The following PDE1A variants were observed in gnomAD, a reference collection of about 807,000 sequenced individuals.
PDE1A encodes phosphodiesterase 1A.
Under a neutral mutation model 61.7 loss-of-function variants are expected in PDE1A, and 35 were observed. The observed-to-expected ratio is 0.57, with a 90% CI of 0.43 to 0.75. The LOEUF is 0.75. Among genes scored for constraint, PDE1A ranks in the 30% least tolerant of loss-of-function variants. PDE1A has a pLI of 0.00. For synonymous variants in PDE1A, 232 were observed against 213.2 expected, an observed-to-expected ratio of 1.09 and a Z score of -0.77; for missense variants, 597 against 630.6, an observed-to-expected ratio of 0.95 and a Z score of 0.57.
the PDE1A span, among the ~76,000 whole-genome samples, chr2:182,587,754 G>A: frequency 6.6e-6 from 1 of 152,088 alleles, no homozygotes; most frequent in Non-Finnish European, 1.5e-5. Context: ...GGGAATTTCT[G>A]AGCCACAATA....
chr2:182,675,230 A>T, the PDE1A span, among the ~76,000 whole-genome samples: 4 of 152,158 alleles, frequency 2.6e-5, no homozygotes, highest in Admixed American at 2.0e-4. Context: ...TTCCTACATT[A>T]GTTTGCTAAT....
chr2:182,608,467 C>G, the PDE1A span, among the ~76,000 whole-genome samples: 1 of 152,182 alleles, frequency 6.6e-6, no homozygotes. Context: ...GAGGGAGAGG[C>G]GCAGGTGGGA....
intron 1 of PDE1A, among the ~76,000 whole-genome samples, chr2:182,320,170 C>A (rs1167609707): frequency 1.3e-5 from 2 of 151,958 alleles, no homozygotes; most frequent in African/African-American, 4.8e-5. Flanking sequence ...AGGTATTGAC[C>A]CTAATATTAG....
At chr2:182,550,242 T>C in the PDE1A span, among the ~76,000 whole-genome samples, 2 of 152,196 alleles carry the variant, frequency 1.3e-5, no homozygotes, top group East Asian at 3.8e-4. Context: ...AAAAATTCCT[T>C]GAACTCTAAA....
At chr2:182,565,100 C>T in the PDE1A span, among the ~76,000 whole-genome samples, 1 of 152,232 alleles carries the variant, frequency 6.6e-6, no homozygotes, top group Non-Finnish European at 1.5e-5. Context: ...TGGTGAGGAA[C>T]TGCATTCCTT....
chr2:182,201,518 G>T, exon 10 of PDE1A: 1 of 1,613,990 alleles, frequency 6.2e-7, no homozygotes, highest in Non-Finnish European at 8.5e-7. Flanking sequence ...GCTGATGTCT[G>T]CTGCGTGGAG....
At chr2:182,671,658 C>T in the PDE1A span, among the ~76,000 whole-genome samples, 314 of 136,494 alleles carry the variant, frequency 2.3e-3, 2 homozygotes, top group African/African-American at 8.2e-3. Context: ...CTCGCTCTGT[C>T]GCCCAGGCTG....
At chr2:182,157,663 A>G (rs1691168462) in intron 13 of PDE1A, among the ~76,000 whole-genome samples, 1 of 152,118 alleles carries the variant, frequency 6.6e-6, no homozygotes, top group African/African-American at 2.4e-5. Context: ...CCTAAATAAT[A>G]TTCACCATGT....
chr2:182,421,160 A>G (rs568760781), intron 1 of PDE1A, among the ~76,000 whole-genome samples: 1 of 152,322 alleles, frequency 6.6e-6, no homozygotes, highest in South Asian at 2.1e-4. Flanking sequence ...AATTTTCCAG[A>G]TGGCATAAAA....
intron 2 of PDE1A, among the ~76,000 whole-genome samples, chr2:182,254,248 C>T (rs2568682): frequency 0.73 from 110,394 of 151,960 alleles, 40,859 homozygotes; most frequent in African/African-American, 0.88. Flanking sequence ...CCAAAAAGTA[C>T]TGCAACTTTT....
chr2:182,223,852 T>A lies in PDE1A; in HGVS notation c.776+12A>T. 6.7e-7 allele frequency: 1 copy of A among 1,489,906 alleles called. No individual in the cohort carries two copies. The highest frequency in any genetic ancestry group is 1.4e-5 in the African/African-American group (1 of 70,140). The allele number at this position is 1,489,906 out of a possible 1,614,324, so 92.3% of individuals were successfully genotyped here. On this transcript the variant is annotated intron_variant, in intron 7 of 13. Coordinates refer to ENST00000351439, the Ensembl canonical transcript of PDE1A. Reference sequence around the variant, plus strand: ...TTTTAACTAATGAAAGTTAATACTTTTTCAGACTTACCTTGTCTGAATGTG... The same window carrying A: ...TTTTAACTAATGAAAGTTAATACTTATTCAGACTTACCTTGTCTGAATGTG...
chr2:182,511,677 G>C (rs1323704005), intron 2 of PDE1A, among the ~76,000 whole-genome samples: 1 of 152,174 alleles, frequency 6.6e-6, no homozygotes, highest in East Asian at 1.9e-4. Flanking sequence ...AATCTAGACA[G>C]AACAGGGCTA....
chr2:182,452,953 G>A (rs1030036076), intron 2 of PDE1A, among the ~76,000 whole-genome samples: 1 of 152,104 alleles, frequency 6.6e-6, no homozygotes, highest in Non-Finnish European at 1.5e-5. Context: ...GATGGTGACT[G>A]CACTTGCACT....
chr2:182,439,432 G>A (rs28520932), intron 2 of PDE1A, among the ~76,000 whole-genome samples: 1,764 of 152,056 alleles, frequency 0.012, 32 homozygotes, highest in African/African-American at 0.04. Flanking sequence ...CAATTGAGGA[G>A]ATGGACAGGG....
chr2:182,295,629 G>GTTCCCTGATAT (rs1694835218), intron 1 of PDE1A, among the ~76,000 whole-genome samples: 1 of 152,076 alleles, frequency 6.6e-6, no homozygotes, highest in Non-Finnish European at 1.5e-5. Context: ...TTTTAAATGA[G>GTTCCCTGATAT]TTCCCTGATA....
chr2:182,608,455 T>C, the PDE1A span, among the ~76,000 whole-genome samples: 5 of 152,126 alleles, frequency 3.3e-5, no homozygotes, highest in Admixed American at 3.3e-4. Context: ...CGAGGAGATG[T>C]GGAGGGAGAG....
the PDE1A span, among the ~76,000 whole-genome samples, chr2:182,693,890 G>C: frequency 6.6e-6 from 1 of 151,888 alleles, no homozygotes; most frequent in South Asian, 2.1e-4. Flanking sequence ...CAAGTGATCC[G>C]CCCGCCTTAG....
chr2:182,391,744 G>T (rs1191672441), intron 1 of PDE1A, among the ~76,000 whole-genome samples: 2 of 152,184 alleles, frequency 1.3e-5, no homozygotes, highest in Admixed American at 6.5e-5. Context: ...TTACCATAAT[G>T]AACAGCAGAG....
chr2:182,429,345 A>C (rs1273332191), upstream of PDE1A, among the ~76,000 whole-genome samples: 1 of 152,158 alleles, frequency 6.6e-6, no homozygotes, highest in Non-Finnish European at 1.5e-5. Context: ...TAAATTACTA[A>C]AATATATTCC....
Sources: allele counts gnomAD v4.1 joint callset (sites outside exome capture counted in the v4.1 genomes callset), GRCh38; gene constraint gnomAD v4.1.1; transcripts MANE v1.5; gene names NCBI Gene and HGNC (gene_info 2026-07-23, HGNC 2026-07-21).